CASKIN1: variants seen among roughly 807,000 people sequenced by gnomAD.
CASKIN1 encodes the protein caskin-1.
Under a neutral mutation model 117.5 loss-of-function variants are expected in CASKIN1, and 42 were observed. The observed-to-expected ratio is 0.36, with a 90% CI of 0.28 to 0.46. The LOEUF is 0.46. Among genes scored for constraint, CASKIN1 ranks in the 20% least tolerant of loss-of-function variants. The pLI, the probability that CASKIN1 is intolerant of heterozygous loss-of-function variation, is 1.00. For synonymous variants in CASKIN1, 1,148 were observed against 961.7 expected (o/e 1.19, Z -3.59); for missense variants, 2,083 against 2,077.3 (o/e 1.00, Z -0.05).
At chr16:2,191,739 C>CATG (rs1429281611) in intron 1 of CASKIN1, among the ~76,000 whole-genome samples, 1 of 152,260 alleles carries the variant, frequency 6.6e-6, no homozygotes, top group African/African-American at 2.4e-5. Context: ...CCTTCCTGAC[C>CATG]ATGGCCCAGG....
At chr16:2,192,950 C>A (rs1004227285) in intron 1 of CASKIN1, among the ~76,000 whole-genome samples, 4 of 152,246 alleles carry the variant, frequency 2.6e-5, no homozygotes, top group Admixed American at 6.5e-5. Flanking sequence ...AATGGGTGTG[C>A]GGCCTGTGCT....
Position 2,189,037 on chromosome 16 carries a change from C to T in CASKIN1, c.607G>A (p.Asp203Asn), listed in dbSNP as rs1345992121. The T allele has an allele frequency of 2.5e-6, 4 of 1,612,802 alleles. No homozygotes were observed. Among genetic ancestry groups the T allele is most frequent in the Non-Finnish European group, 3.4e-6 (4 of 1,179,344 alleles). ...LHLAAKNGHI[D>N]IIRLLLQAGI... ...TGCTACCGGCTCTACCTGATGATGT[C>T]GATGTGGCCGTTTTTAGCTGCGAGG... Residue 203 changes from aspartate (D) to asparagine (N), a missense_variant, in exon 6 of 20, where the codon GAC (aspartate) becomes AAC (asparagine). This residue lies in a region of CASKIN1 where 203 missense variants were observed against 338.7 expected (regional missense o/e 0.60). Transcript: ENST00000343516.
rs113788648 is a variant in CASKIN1, at chr16:2,196,157, C to T, written c.94+182G>A. Among the ~76,000 whole-genome samples the T allele has an allele frequency of 6.6e-6, 1 of 151,854 alleles. No homozygotes were observed. Among genetic ancestry groups the T allele is most frequent in the South Asian group, 2.1e-4 (1 of 4,830 alleles). ...GGTGGCGGCCGGCTCTCGGGGCCGCCCCATCTCCAGTGCTGGGGGCAGCGG... is the reference window on the plus strand; with the variant it reads ...GGTGGCGGCCGGCTCTCGGGGCCGCTCCATCTCCAGTGCTGGGGGCAGCGG... On this transcript the variant is annotated intron_variant, in intron 1 of 19. Coordinates refer to ENST00000343516, the MANE Select transcript of CASKIN1 (RefSeq NM_020764.4). The surrounding 1 kb of genome is among the most constrained non-coding windows in gnomAD (Gnocchi z 5.7).
At chr16:2,189,631 T>C in intron 3 of CASKIN1, 67 bp from the exon 4 acceptor site, 1 of 1,497,382 alleles carries the variant, frequency 6.7e-7, no homozygotes, top group Non-Finnish European at 8.9e-7. Flanking sequence ...GATAGGGGGG[T>C]GCTGGGACCT....
chr16:2,195,449 C>G (rs2093212957), intron 1 of CASKIN1, among the ~76,000 whole-genome samples: 4 of 152,238 alleles, frequency 2.6e-5, no homozygotes, highest in African/African-American at 4.8e-5. Context: ...CCCTGACACA[C>G]TGACACGGCT....
chr16:2,186,789 G>A lies in CASKIN1; in HGVS notation c.966C>T (p.Gly322=). 1 of 1,613,020 alleles carries A rather than the reference G, an allele frequency of 6.2e-7. No homozygotes were observed. The highest frequency in any genetic ancestry group is 8.5e-7 in the Non-Finnish European group (1 of 1,179,942). ...LEQHPDGRWK[G]CIHDNRTGND... ...TGCCCGTCCGGTTGTCATGGATGCA[G>A]CCCTTCCACCGGCCATCCGGATGCT... The change falls in exon 10 of 20, where the codon GGC becomes GGT. Residue 322 remains glycine (G), a synonymous_variant. Coordinates refer to ENST00000343516, the MANE Select transcript of CASKIN1 (RefSeq NM_020764.4).
At position 2,184,836 on chromosome 16, in the gene CASKIN1, C is replaced by A. The variant is rs762014225; in HGVS notation, c.1357G>T (p.Ala453Ser). ...GGCTGCTCCCCATAGACCTGCCCGG[C>A]GTGGGCCACTGGAGGCTGGGACCGG... ...VARSQPPVAH[A>S]GQVYGEQPPK... is the part of the protein sequence containing the mutation. Residue 453 changes from alanine (A) to serine (S), a missense_variant, in exon 14 of 20, where the codon GCC (alanine) becomes TCC (serine). By Grantham distance (99) the Ala-to-Ser change is moderately conservative (BLOSUM62 1). Transcript: ENST00000343516. 10 of 1,559,054 alleles carry A rather than the reference C, an allele frequency of 6.4e-6. No individual in the cohort carries two copies. Among genetic ancestry groups the A allele is most frequent in the Non-Finnish European group, 8.7e-6 (10 of 1,151,802 alleles).
At chr16:2,185,452 CG>C in intron 10 of CASKIN1, 44 bp from the exon 11 acceptor site, 1 of 1,494,758 alleles carries the variant, frequency 6.7e-7, no homozygotes, top group Middle Eastern at 1.8e-4. Flanking sequence ...CCAGCGATGG[CG>C]GGTACTGACG....
At position 2,177,836 on chromosome 16, in the gene CASKIN1, A is replaced by T. The variant is rs890360626; in HGVS notation, c.*714T>A. On this transcript the variant is annotated 3_prime_UTR_variant, in exon 20 of 20. Transcript: ENST00000343516. The stretch of plus-strand genomic sequence containing the variant: ...TTGGGGCGCAGAGAACTTAGGAGAG[A>T]AGCACGGAGGAGCCCCCGGCAGAGC... The T allele has an allele frequency of 3.8e-6, 1 of 263,360 alleles. No individual in the cohort carries two copies. Among genetic ancestry groups the T allele is most frequent in the Non-Finnish European group, 7.4e-6 (1 of 135,300 alleles). 16.3% of individuals were successfully genotyped at this position (263,360 alleles called of 1,614,324 possible).
intron 1 of CASKIN1, among the ~76,000 whole-genome samples, chr16:2,190,972 C>T (rs557300219): frequency 1.3e-5 from 2 of 152,280 alleles, no homozygotes; most frequent in South Asian, 4.1e-4. Flanking sequence ...CCTGGCGACT[C>T]GGAGCACCTG....
rs1464996468 is a variant in CASKIN1, at chr16:2,179,546, G to A, written c.3775+47C>T. 4 of 1,413,982 alleles carry A rather than the reference G, an allele frequency of 2.8e-6. No individual in the cohort carries two copies. Among genetic ancestry groups the A allele is most frequent in the Non-Finnish European group, 2.8e-6 (3 of 1,086,368 alleles). 87.6% of individuals were successfully genotyped at this position (1,413,982 alleles called of 1,614,324 possible). A position where few individuals can be genotyped will look rare whatever the true frequency, so the allele number is the denominator to read the frequency against. Reference sequence around the variant, plus strand: ...ACCCCTCAGACCACCGAGTAAGGAGGTGGAGCAGGGTCCTGTTGCCCCTTC... The same window carrying A: ...ACCCCTCAGACCACCGAGTAAGGAGATGGAGCAGGGTCCTGTTGCCCCTTC... On this transcript the variant is annotated intron_variant, in intron 18 of 19. Transcript: ENST00000343516. This position sits in a 1 kb window ranked among gnomAD's most constrained non-coding sequence, Gnocchi z 5.8.
In CASKIN1 at chr16:2,177,779, G is replaced by A. The variant is rs998387852; in HGVS notation, c.*771C>T. On this transcript the variant is annotated 3_prime_UTR_variant, in exon 20 of 20. Transcript: ENST00000343516. ...CGCAGCCACGCCAGGAGGAGGACAC[G>A]GCCGCCGAGAGCAAGGCACAACCTC... The A allele has an allele frequency of 8.2e-6, 2 of 243,688 alleles. No individual in the cohort carries two copies. The highest frequency in any genetic ancestry group is 5.5e-5 in the Admixed American group (1 of 18,164). The allele number at this position is 243,688 out of a possible 1,614,324, so 15.1% of individuals were successfully genotyped here.
At chr16:2,193,043 G>A (rs748006447) in intron 1 of CASKIN1, among the ~76,000 whole-genome samples, 3 of 152,148 alleles carry the variant, frequency 2.0e-5, no homozygotes, top group Admixed American at 6.6e-5. Context: ...TGGAGATGGA[G>A]TTTCATTCTT....
At position 2,189,059 on chromosome 16, in the gene CASKIN1, G is replaced by T; in HGVS notation, c.585C>A (p.Leu195=). Residue 195 remains leucine (L), a synonymous_variant, in exon 6 of 20, where the codon CTC becomes CTA. Transcript: ENST00000343516. ...TDPNGTSPLH[L]AAKNGHIDII... ...TGTCGATGTGGCCGTTTTTAGCTGCGAGGTGCAAAGGGCTGGTGCCGTTGG... is the reference window on the plus strand; with the variant it reads ...TGTCGATGTGGCCGTTTTTAGCTGCTAGGTGCAAAGGGCTGGTGCCGTTGG... 1 of 1,613,526 alleles carries T rather than the reference G, an allele frequency of 6.2e-7. No individual in the cohort carries two copies.
intron 10 of CASKIN1, 22 bp from the exon 11 acceptor site, chr16:2,185,430 C>T (rs367598506): frequency 6.3e-7 from 1 of 1,575,940 alleles, no homozygotes; most frequent in Non-Finnish European, 8.6e-7. Flanking sequence ...GCAAAGCCTC[C>T]TAAGTCCTGG....
rs1168798151 is a variant in CASKIN1, at chr16:2,180,552, C to T, written c.2816G>A (p.Arg939Gln). ...CGGCGGGGGCCCCTTCTTTCGGGGC[C>T]GCACGGCAAAGGACTGGCTGCGGTT... ...NVNRSQSFAV[R>Q]PRKKGPPPPP... Residue 939 changes from arginine (R) to glutamine (Q), a missense_variant, in exon 18 of 20, where the codon CGG (arginine) becomes CAG (glutamine). Arg to Gln is a conservative substitution (Grantham distance 43). Coordinates refer to ENST00000343516, the MANE Select transcript of CASKIN1 (RefSeq NM_020764.4). 5.8e-6 allele frequency: 9 copies of T among 1,548,794 alleles called. No homozygotes were observed. In the East Asian group the frequency reaches 7.2e-5, roughly 12 times the overall value.
At chr16:2,194,364 G>A (rs2093209693) in intron 1 of CASKIN1, among the ~76,000 whole-genome samples, 2 of 152,164 alleles carry the variant, frequency 1.3e-5, no homozygotes, top group Admixed American at 6.5e-5. Context: ...TGCTAAGTGT[G>A]TGCGTGCGGG....
chr16:2,179,611 G>A lies in CASKIN1; in HGVS notation c.3757C>T (p.Pro1253Ser), dbSNP rs2093159558. ...PTPTSKKVPL[P>S]GPGSPEVKRA... is the part of the protein sequence containing the mutation. ...GGCCTACCTGGGCTGCCAGGGCCTG[G>A]CAGCGGCACCTTCTTGGAGGTGGGT... The change falls in exon 18 of 20, where the codon CCA (proline) becomes TCA (serine). Residue 1253 changes from proline to serine, a missense_variant. By Grantham distance (74) the Pro-to-Ser change is moderately conservative (BLOSUM62 -1). Transcript: ENST00000343516. This position sits in a 1 kb window ranked among gnomAD's most constrained non-coding sequence, Gnocchi z 5.8. 6.9e-7 allele frequency: 1 copy of A among 1,454,420 alleles called. No homozygotes were observed. The highest frequency in any genetic ancestry group is 2.8e-5 in the Admixed American group (1 of 35,502). The allele number at this position is 1,454,420 out of a possible 1,614,324, so 90.1% of individuals were successfully genotyped here. A position where few individuals can be genotyped will look rare whatever the true frequency, so the allele number is the denominator to read the frequency against.
chr16:2,196,129 C>A lies in CASKIN1; in HGVS notation c.94+210G>T, dbSNP rs1348813098. Among the ~76,000 whole-genome samples, 2 of 152,002 alleles carry A rather than the reference C, an allele frequency of 1.3e-5. No homozygotes were observed. The highest frequency in any genetic ancestry group is 2.9e-5 in the Non-Finnish European group (2 of 67,932). On this transcript the variant is annotated intron_variant, in intron 1 of 19. Transcript: ENST00000343516. The surrounding 1 kb of genome is among the most constrained non-coding windows in gnomAD (Gnocchi z 5.7). The stretch of plus-strand genomic sequence containing the variant: ...GCCGCCAGGTGCCCGCTGCGGGGCT[C>A]ACGGTGGCGGCCGGCTCTCGGGGCC...
Sources: allele counts gnomAD v4.1 joint callset (sites outside exome capture counted in the v4.1 genomes callset), GRCh38; gene constraint gnomAD v4.1.1; regional missense constraint gnomAD v4.1.1; non-coding constraint Gnocchi (gnomAD v3.1); transcripts MANE v1.5; gene names NCBI Gene and HGNC (gene_info 2026-07-23, HGNC 2026-07-21).